Variants in VAX2 observed in about 807,000 individuals in gnomAD.
VAX2 encodes the protein ventral anterior homeobox 2.
In VAX2, 8 loss-of-function variants were observed where a neutral mutation model predicts 12.5. That is an observed-to-expected ratio of 0.64 (90% confidence interval 0.37 to 1.15). The LOEUF is 1.15. Ranked by LOEUF, VAX2 falls within the 50% of genes most tolerant of loss-of-function variation. The probability of loss-of-function intolerance (pLI) is 0.01; values close to 1 mark genes in which losing one functional copy is unlikely to be tolerated. For synonymous variants in VAX2, 183 were observed against 187.6 expected (o/e 0.98, Z 0.20); for missense variants, 476 against 412.9 (o/e 1.15, Z -1.32).
At chr2:70,909,768 T>C (rs571767933) in intron 1 of VAX2, among the ~76,000 whole-genome samples, 9 of 152,342 alleles carry the variant, frequency 5.9e-5, no homozygotes, top group African/African-American at 2.2e-4. Flanking sequence ...GATTCCGTTA[T>C]GTAGATATCA....
chr2:70,919,027 C>T (rs529576074), intron 1 of VAX2, among the ~76,000 whole-genome samples: 1 of 151,458 alleles, frequency 6.6e-6, no homozygotes, highest in Non-Finnish European at 1.5e-5. Context: ...CATAGTGAAA[C>T]CCTGTCTCTA....
At chr2:70,907,907 T>C (rs1482547489) in intron 1 of VAX2, among the ~76,000 whole-genome samples, 1 of 152,234 alleles carries the variant, frequency 6.6e-6, no homozygotes, top group African/African-American at 2.4e-5. Context: ...TAATCTGCAG[T>C]GATCATCTTC....
intron 1 of VAX2, among the ~76,000 whole-genome samples, chr2:70,901,645 T>C (rs1327731052): frequency 6.6e-6 from 1 of 152,136 alleles, no homozygotes; most frequent in East Asian, 1.9e-4. Context: ...ATTACCCAGC[T>C]CTTCCCGGCC....
chr2:70,921,659 T>C (rs1679461835), intron 2 of VAX2, among the ~76,000 whole-genome samples: 1 of 151,798 alleles, frequency 6.6e-6, no homozygotes, highest in Non-Finnish European at 1.5e-5. Context: ...AAATAACGAT[T>C]CTGGGGAAGA....
At chr2:70,919,662 G>A (rs1456566217) in intron 1 of VAX2, among the ~76,000 whole-genome samples, 6 of 152,098 alleles carry the variant, frequency 3.9e-5, no homozygotes, top group Non-Finnish European at 7.4e-5. Flanking sequence ...GCAACACGGT[G>A]AAATCCCCTA....
chr2:70,921,227 A>C lies in VAX2; in HGVS notation c.377A>C (p.Tyr126Ser). ...RLEMEFQRCQ[Y>S]VVGRERTELA... is the part of the protein sequence containing the mutation. ...GAGATGGAGTTCCAGCGCTGCCAGT[A>C]TGTGGTGGGCCGCGAGCGCACTGAG... The change falls in exon 2 of 3, where the codon TAT (tyrosine) becomes TCT (serine). Residue 126 changes from tyrosine (Y) to serine (S), a missense_variant. Coordinates refer to ENST00000234392, the MANE Select transcript of VAX2 (RefSeq NM_012476.3). The C allele has an allele frequency of 6.2e-7, 1 of 1,613,644 alleles. No homozygotes were observed. The highest frequency in any genetic ancestry group is 8.5e-7 in the Non-Finnish European group (1 of 1,179,902).
chr2:70,933,132 G>C lies in VAX2; in HGVS notation c.801G>C (p.Ser267=). ...CTGCCGGCTACGAACTGGGTTCCTC[G>C]GCCTTCGAGCCATACAGCTGGCTAG... ...DLPAGYELGS[S]AFEPYSWLER... The change falls in exon 3 of 3, where the codon TCG becomes TCC. Residue 267 remains serine, a synonymous_variant. Coordinates refer to ENST00000234392, the MANE Select transcript of VAX2 (RefSeq NM_012476.3). 6.2e-7 allele frequency: 1 copy of C among 1,602,632 alleles called. No individual in the cohort carries two copies. Among genetic ancestry groups the C allele is most frequent in the Non-Finnish European group, 8.5e-7 (1 of 1,175,164 alleles).
chr2:70,925,410 G>A (rs1250718410), intron 2 of VAX2, among the ~76,000 whole-genome samples: 2 of 152,204 alleles, frequency 1.3e-5, no homozygotes, highest in East Asian at 1.9e-4. Context: ...CAGGGCAAGG[G>A]AAAGGAAGTG....
intron 1 of VAX2, among the ~76,000 whole-genome samples, chr2:70,902,408 C>T (rs760761220): frequency 5.9e-5 from 9 of 152,142 alleles, no homozygotes; most frequent in African/African-American, 2.2e-4. Flanking sequence ...GGATTAAATC[C>T]GATTTTATTC....
At chr2:70,907,806 C>T (rs143334224) in intron 1 of VAX2, among the ~76,000 whole-genome samples, 4 of 152,330 alleles carry the variant, frequency 2.6e-5, no homozygotes, top group African/African-American at 7.2e-5. Flanking sequence ...TCCTTCCAGG[C>T]GATTTTTCCA....
intron 2 of VAX2, among the ~76,000 whole-genome samples, chr2:70,922,124 T>C (rs1432369316): frequency 6.6e-6 from 1 of 152,202 alleles, no homozygotes; most frequent in Non-Finnish European, 1.5e-5. Flanking sequence ...CTCTCATCTT[T>C]ATGCTGCCTA....
chr2:70,921,214 C>A lies in VAX2; in HGVS notation c.364C>A (p.Gln122Lys), dbSNP rs1553412809. 3 of 1,613,646 alleles carry A rather than the reference C, an allele frequency of 1.9e-6. No homozygotes were observed. Among genetic ancestry groups the A allele is most frequent in the Non-Finnish European group, 2.5e-6 (3 of 1,179,914 alleles). The change falls in exon 2 of 3, where the codon CAG becomes AAG. Residue 122 changes from glutamine (Q) to lysine (K), a missense_variant. Gln to Lys is a moderately conservative substitution (Grantham distance 53). Transcript: ENST00000234392. The stretch of plus-strand genomic sequence containing the variant: ...GCTGTACCGCCTGGAGATGGAGTTC[C>A]AGCGCTGCCAGTATGTGGTGGGCCG... ...EQLYRLEMEF[Q>K]RCQYVVGRER... is the part of the protein sequence containing the mutation.
intron 2 of VAX2, among the ~76,000 whole-genome samples, chr2:70,931,785 A>G (rs72895736): frequency 0.021 from 3,252 of 152,350 alleles, 129 homozygotes; most frequent in African/African-American, 0.074. Flanking sequence ...GAAGCGGCCA[A>G]TGGGGGGCTA....
At chr2:70,931,769 G>A (rs904868330) in intron 2 of VAX2, among the ~76,000 whole-genome samples, 33 of 152,352 alleles carry the variant, frequency 2.2e-4, no homozygotes, top group South Asian at 4.1e-4. Context: ...AGCACTCCAG[G>A]CCCAAGAAGC....
chr2:70,913,378 T>G (rs1280142515), intron 1 of VAX2, among the ~76,000 whole-genome samples: 1 of 152,240 alleles, frequency 6.6e-6, no homozygotes. Flanking sequence ...ATTTATTTTT[T>G]ATTAGAAATA....
chr2:70,924,333 A>G (rs1387269235), intron 2 of VAX2: 4 of 149,812 alleles, frequency 2.7e-5, no homozygotes, highest in African/African-American at 9.8e-5. Context: ...TCATTAGCAT[A>G]CAACAGTAAG....
chr2:70,925,832 C>T (rs1481403977), intron 2 of VAX2, among the ~76,000 whole-genome samples: 1 of 152,188 alleles, frequency 6.6e-6, no homozygotes, highest in African/African-American at 2.4e-5. Context: ...AACTTCCTCC[C>T]AGTGCTCTGC....
chr2:70,917,449 T>A (rs1183236906), intron 1 of VAX2, among the ~76,000 whole-genome samples: 1 of 152,198 alleles, frequency 6.6e-6, no homozygotes, highest in Non-Finnish European at 1.5e-5. Context: ...AGAAACTGCC[T>A]GGCTAGTAGT....
chr2:70,901,254 G>C lies in VAX2; in HGVS notation c.247+386G>C, dbSNP rs550633950. Among the ~76,000 whole-genome samples the C allele has an allele frequency of 3.9e-5, 6 of 152,368 alleles. No homozygotes were observed. In the South Asian group the frequency reaches 1.0e-3, roughly 26 times the overall value. On this transcript the variant is annotated intron_variant, in intron 1 of 2. Coordinates refer to ENST00000234392, the MANE Select transcript of VAX2 (RefSeq NM_012476.3). The stretch of plus-strand genomic sequence containing the variant: ...GCGCTCCGCGGGGACAGGACGTGGA[G>C]GGAGCAGCGTCGGCAACCGCGGGAG...
Sources: allele counts gnomAD v4.1 joint callset (sites outside exome capture counted in the v4.1 genomes callset), GRCh38; gene constraint gnomAD v4.1.1; transcripts MANE v1.5; gene names NCBI Gene and HGNC (gene_info 2026-07-23, HGNC 2026-07-21).